Variants in AGBL4 observed in about 807,000 individuals in gnomAD.
The protein encoded by AGBL4 is cytosolic carboxypeptidase 6.
A neutral mutation model predicts 66.4 loss-of-function variants in AGBL4; 58 were observed. The ratio of observed to expected loss-of-function variants is 0.87; its 90% confidence interval spans 0.71 to 1.09. The LOEUF (loss-of-function observed/expected upper bound fraction) is 1.09, where lower values mean the gene tolerates loss of function less well. Among genes scored for constraint, AGBL4 ranks in the 50% least tolerant of loss-of-function variants. AGBL4 has a pLI of 0.00. For missense variants in AGBL4, 579 were observed against 631.0 expected (o/e 0.92, Z 0.88); for synonymous variants, 234 against 222.9 (o/e 1.05, Z -0.44).
At chr1:49,561,337 TTTTAGGG>T (rs1644035614) in intron 3 of AGBL4, among the ~76,000 whole-genome samples, 1 of 151,718 alleles carries the variant, frequency 6.6e-6, no homozygotes, top group South Asian at 2.1e-4. Flanking sequence ...TACCCTAAAG[TTTTAGGG>T]TACATGTGCA....
chr1:49,112,669 T>A (rs903273941), intron 4 of AGBL4, among the ~76,000 whole-genome samples: 3 of 152,174 alleles, frequency 2.0e-5, no homozygotes, highest in African/African-American at 7.2e-5. Context: ...GTATTTTCAC[T>A]GGGGGTAGAT....
intron 1 of AGBL4, among the ~76,000 whole-genome samples, chr1:50,019,343 C>CACACATAA: frequency 6.9e-6 from 1 of 144,240 alleles, no homozygotes; most frequent in Non-Finnish European, 1.5e-5. Context: ...CACATAAACA[C>CACACATAA]ACACAGACAC....
At chr1:49,518,001 T>A (rs1303849284) in intron 3 of AGBL4, among the ~76,000 whole-genome samples, 3 of 152,102 alleles carry the variant, frequency 2.0e-5, no homozygotes, top group Non-Finnish European at 4.4e-5. Context: ...ATTCATTCAT[T>A]CACTCATTCT....
At chr1:48,622,384 C>T (rs987951541) in intron 9 of AGBL4, among the ~76,000 whole-genome samples, 2 of 152,048 alleles carry the variant, frequency 1.3e-5, no homozygotes, top group Non-Finnish European at 2.9e-5. Context: ...CATGTGCTAC[C>T]CTGTGCTTCA....
At chr1:49,768,274 CA>C (rs551418041) in intron 2 of AGBL4, among the ~76,000 whole-genome samples, 202 of 151,254 alleles carry the variant, frequency 1.3e-3, no homozygotes, top group African/African-American at 1.9e-3. Context: ...CAAAAATCCT[CA>C]AAAAAAAATT....
At chr1:48,620,257 C>T (rs1030978806) in intron 9 of AGBL4, among the ~76,000 whole-genome samples, 2 of 152,118 alleles carry the variant, frequency 1.3e-5, no homozygotes, top group Non-Finnish European at 2.9e-5. Context: ...CTAATCTGTC[C>T]TTATTTATTT....
intron 11 of AGBL4, among the ~76,000 whole-genome samples, chr1:48,576,043 C>T (rs1052765242): frequency 6.6e-6 from 1 of 152,212 alleles, no homozygotes; most frequent in Admixed American, 6.5e-5. Flanking sequence ...GATCTACTCC[C>T]TCTGCTTCAT....
chr1:48,715,894 A>G (rs908754528), intron 6 of AGBL4, among the ~76,000 whole-genome samples: 1 of 152,108 alleles, frequency 6.6e-6, no homozygotes, highest in African/African-American at 2.4e-5. Context: ...TCCTAGAGGC[A>G]GGTATGCTTT....
At chr1:49,367,908 T>G (rs1349162534) in intron 3 of AGBL4, among the ~76,000 whole-genome samples, 1 of 152,142 alleles carries the variant, frequency 6.6e-6, no homozygotes, top group Non-Finnish European at 1.5e-5. Flanking sequence ...ACATTAAGTA[T>G]TCATTCCTCA....
At chr1:49,860,609 G>A (rs1039745599) in intron 1 of AGBL4, among the ~76,000 whole-genome samples, 17 of 152,288 alleles carry the variant, frequency 1.1e-4, no homozygotes, top group African/African-American at 2.6e-4. Flanking sequence ...TGAGATGGAA[G>A]AATCACCTCA....
intron 3 of AGBL4, chr1:49,527,481 G>T (rs185507027): frequency 3.9e-5 from 6 of 152,678 alleles, no homozygotes; most frequent in African/African-American, 1.2e-4. Flanking sequence ...TAGATGCTGG[G>T]TCATAAGCCT....
intron 2 of AGBL4, chr1:49,844,776 A>C: frequency 6.3e-7 from 1 of 1,584,078 alleles, no homozygotes; most frequent in Non-Finnish European, 8.7e-7. Context: ...TCTTGGTAGA[A>C]AGATTCCTCT....
At chr1:49,714,708 G>C (rs376889912) in intron 2 of AGBL4, among the ~76,000 whole-genome samples, 2 of 149,992 alleles carry the variant, frequency 1.3e-5, no homozygotes, top group South Asian at 4.2e-4. Flanking sequence ...CATTATCTTT[G>C]CTATTGTAAA....
intron 4 of AGBL4, among the ~76,000 whole-genome samples, chr1:49,213,171 A>G (rs1431729550): frequency 6.6e-6 from 1 of 152,154 alleles, no homozygotes; most frequent in Non-Finnish European, 1.5e-5. Context: ...TAGTACTATA[A>G]TATGATAATT....
chr1:49,546,336 C>CATATGTAT (rs1372042393), intron 3 of AGBL4, among the ~76,000 whole-genome samples: 1 of 149,834 alleles, frequency 6.7e-6, no homozygotes, highest in Non-Finnish European at 1.5e-5. Context: ...TATATATTTA[C>CATATGTAT]ATATGTATAT....
At chr1:49,830,772 G>A (rs1645650027) in intron 2 of AGBL4, among the ~76,000 whole-genome samples, 1 of 152,112 alleles carries the variant, frequency 6.6e-6, no homozygotes, top group Non-Finnish European at 1.5e-5. Context: ...TCCTTCATGA[G>A]TTAATTTTTG....
intron 11 of AGBL4, among the ~76,000 whole-genome samples, chr1:48,554,291 A>G (rs556138205): frequency 6.6e-6 from 1 of 152,294 alleles, no homozygotes; most frequent in East Asian, 1.9e-4. Context: ...CAAGAGACCT[A>G]TATTTGAGCA....
At chr1:50,023,568 C>T (rs1662605993) in intron 1 of AGBL4, among the ~76,000 whole-genome samples, 195 bp downstream of exon 1, 1 of 152,190 alleles carries the variant, frequency 6.6e-6, no homozygotes, top group Non-Finnish European at 1.5e-5. Context: ...CTCCACCACC[C>T]GGACTTCGAG....
chr1:49,260,842 A>T (rs1041587693), intron 3 of AGBL4, among the ~76,000 whole-genome samples: 7 of 152,042 alleles, frequency 4.6e-5, no homozygotes, highest in African/African-American at 1.7e-4. Flanking sequence ...AAAGCCGGGC[A>T]GAGACACAAC....
Sources: gnomAD v4.1 joint callset for allele counts (sites outside exome capture counted in the v4.1 genomes callset) on GRCh38, gnomAD v4.1.1 for gene constraint, MANE v1.5 for transcripts, NCBI Gene and HGNC (gene_info 2026-07-23, HGNC 2026-07-21) for gene names.